Variants in ZYG11B observed in about 807,000 individuals in gnomAD.
ZYG11B encodes the protein zyg-11 family member B, cell cycle regulator.
A neutral mutation model predicts 82.4 loss-of-function variants in ZYG11B; 36 were observed. That is an observed-to-expected ratio of 0.44 (90% CI 0.33 to 0.58). ZYG11B has a LOEUF of 0.58. ZYG11B is among the 20% of genes least tolerant of loss of function. The pLI, the probability that ZYG11B is intolerant of heterozygous loss-of-function variation, is 0.02. For synonymous variants in ZYG11B, 303 were observed against 312.8 expected (o/e 0.97, Z 0.33); for missense variants, 552 against 895.6 (o/e 0.62, Z 4.90).
At chr1:52,743,842 C>T (rs1047057059) in intron 1 of ZYG11B, among the ~76,000 whole-genome samples, 1 of 152,178 alleles carries the variant, frequency 6.6e-6, no homozygotes, top group African/African-American at 2.4e-5. Flanking sequence ...TTCCAAGTAC[C>T]TTCCAGTCCT....
intron 1 of ZYG11B, among the ~76,000 whole-genome samples, chr1:52,743,191 T>C (rs569784229): frequency 6.6e-6 from 1 of 151,892 alleles, no homozygotes; most frequent in South Asian, 2.1e-4. Flanking sequence ...CGTAGGAGAC[T>C]CCATTTGGTT....
rs1645202317 is a variant in ZYG11B at position 52,813,738 on chromosome 1, G to T, written c.1893+5G>T. The T allele has an allele frequency of 6.2e-7, 1 of 1,613,938 alleles. No individual in the cohort carries two copies. The highest frequency in any genetic ancestry group is 1.7e-5 in the Admixed American group (1 of 59,996). ...AATTCTCTGCTGGATGATTTGGTAG[G>T]GTCATTCCATACCAACAAAAGACAT... On this transcript the variant is annotated splice_donor_5th_base_variant and intron_variant, in intron 11 of 13. Transcript: ENST00000294353.
intron 1 of ZYG11B, among the ~76,000 whole-genome samples, chr1:52,744,194 C>CT (rs2149923152): frequency 1.3e-5 from 2 of 152,284 alleles, no homozygotes; most frequent in South Asian, 4.1e-4. Flanking sequence ...ACCTCAGCCT[C>CT]TCAAAGTGCT....
chr1:52,803,201 T>TAC (rs1645103834), intron 10 of ZYG11B, among the ~76,000 whole-genome samples: 1 of 83,998 alleles, frequency 1.2e-5, no homozygotes, highest in African/African-American at 8.9e-5. Context: ...CATATATATA[T>TAC]ATACACACAC....
At chr1:52,736,646 T>G (rs1403630151) in intron 1 of ZYG11B, among the ~76,000 whole-genome samples, 1 of 152,138 alleles carries the variant, frequency 6.6e-6, no homozygotes, top group Admixed American at 6.6e-5. Flanking sequence ...AGAGATGAGG[T>G]TTCACCATGT....
chr1:52,797,256 ATATT>A (rs1188913956), intron 8 of ZYG11B, among the ~76,000 whole-genome samples: 6 of 82,878 alleles, frequency 7.2e-5, no homozygotes, highest in South Asian at 3.2e-4. Flanking sequence ...TATATAATAT[ATATT>A]TATATTATAT....
intron 2 of ZYG11B, among the ~76,000 whole-genome samples, chr1:52,758,717 AAAG>A (rs1380765637): frequency 3.3e-5 from 5 of 152,172 alleles, no homozygotes; most frequent in Admixed American, 6.6e-5. Flanking sequence ...ATAATTTAGG[AAAG>A]AAGAAGACCT....
intron 13 of ZYG11B, among the ~76,000 whole-genome samples, chr1:52,821,063 C>T (rs2149969558): frequency 6.6e-6 from 1 of 150,416 alleles, no homozygotes. Context: ...GTACTCTGGC[C>T]TGGGCAACAG....
intron 1 of ZYG11B, among the ~76,000 whole-genome samples, chr1:52,738,143 T>C (rs1462899193): frequency 6.6e-6 from 1 of 152,216 alleles, no homozygotes; most frequent in Non-Finnish European, 1.5e-5. Context: ...ACTCAGATAA[T>C]AAATAATCAG....
At chr1:52,791,605 G>A (rs1644960553) in intron 6 of ZYG11B, among the ~76,000 whole-genome samples, 1 of 152,108 alleles carries the variant, frequency 6.6e-6, no homozygotes, top group South Asian at 2.1e-4. Context: ...CTGACCTCAG[G>A]TAATCCACCC....
At chr1:52,776,495 C>G (rs1644811737) in intron 3 of ZYG11B, among the ~76,000 whole-genome samples, 1 of 145,100 alleles carries the variant, frequency 6.9e-6, no homozygotes, top group African/African-American at 2.6e-5. Flanking sequence ...GATTGTGCCA[C>G]TGCACTCCAG....
chr1:52,742,818 G>C (rs1644442218), intron 1 of ZYG11B, among the ~76,000 whole-genome samples: 1 of 151,410 alleles, frequency 6.6e-6, no homozygotes, highest in Admixed American at 6.6e-5. Flanking sequence ...CTCCAGCCTG[G>C]GCGACAGAGC....
rs1558140510 is a variant in ZYG11B, at chr1:52,803,225, CACACAT to C, written c.1695+1088_1695+1093del. ...ATATACACACACATATATATATATA[CACACAT>C]ATATATATACACACACACATATATA... On this transcript the variant is annotated intron_variant, in intron 10 of 13. Transcript: ENST00000294353. Among the ~76,000 whole-genome samples the C allele has an allele frequency of 3.3e-3, 185 of 56,742 alleles. 5 individuals are homozygous for C. Among genetic ancestry groups the C allele is most frequent in the African/African-American group, 0.02 (152 of 7,432 alleles). The allele number at this position is 56,742 out of a possible 152,430, so 37.2% of individuals were successfully genotyped here. A position where few individuals can be genotyped will look rare whatever the true frequency, so the allele number is the denominator to read the frequency against.
At chr1:52,735,025 G>A (rs1644366530) in intron 1 of ZYG11B, among the ~76,000 whole-genome samples, 1 of 150,834 alleles carries the variant, frequency 6.6e-6, no homozygotes, top group East Asian at 2.0e-4. Context: ...CACTGCGCCC[G>A]GTCCAAATCA....
At chr1:52,739,561 C>T (rs1308100970) in intron 1 of ZYG11B, among the ~76,000 whole-genome samples, 1 of 152,158 alleles carries the variant, frequency 6.6e-6, no homozygotes, top group Non-Finnish European at 1.5e-5. Flanking sequence ...ACCTTTTTCA[C>T]ACCAGAGACC....
chr1:52,737,999 T>A (rs568469315), intron 1 of ZYG11B, among the ~76,000 whole-genome samples: 8 of 152,326 alleles, frequency 5.3e-5, no homozygotes, highest in African/African-American at 1.9e-4. Context: ...CACAAGGATT[T>A]AACAGGAAGA....
intron 1 of ZYG11B, among the ~76,000 whole-genome samples, chr1:52,754,906 C>CT: frequency 6.7e-6 from 1 of 148,272 alleles, no homozygotes; most frequent in East Asian, 2.0e-4. Context: ...TGTCTTTATT[C>CT]TTTTGTATGT....
intron 9 of ZYG11B, 45 bp downstream of exon 9, chr1:52,802,025 A>G (rs1391788910): frequency 6.3e-7 from 1 of 1,582,540 alleles, no homozygotes; most frequent in Non-Finnish European, 8.6e-7. Flanking sequence ...TTATTAATTT[A>G]TTTACTTTAG....
chr1:52,818,043 G>T (rs1454205135), intron 13 of ZYG11B, among the ~76,000 whole-genome samples: 1 of 150,312 alleles, frequency 6.7e-6, no homozygotes, highest in African/African-American at 2.4e-5. Flanking sequence ...TCACCATTTT[G>T]GCTGGGCTGA....
Sources: allele counts gnomAD v4.1 joint callset (sites outside exome capture counted in the v4.1 genomes callset), GRCh38; gene constraint gnomAD v4.1.1; transcripts MANE v1.5; gene names NCBI Gene and HGNC (gene_info 2026-07-23, HGNC 2026-07-21).